FAM178B: variants seen among roughly 807,000 people sequenced by gnomAD.
The protein encoded by FAM178B is family with sequence similarity 178 member B.
FAM178B carries 82 observed loss-of-function variants against 91.7 expected under a neutral mutation model. The observed-to-expected ratio is 0.89, with a 90% confidence interval of 0.75 to 1.07. The LOEUF is 1.07. Ranked by LOEUF, FAM178B falls within the 50% of genes least tolerant of loss-of-function variation. FAM178B has a pLI of 0.00. For synonymous variants in FAM178B, 368 were observed against 359.4 expected (o/e 1.02, Z -0.27); for missense variants, 769 against 846.7 (o/e 0.91, Z 1.14).
At chr2:96,905,818 G>GTATATATA (rs1226987241) in intron 12 of FAM178B, among the ~76,000 whole-genome samples, 10 of 34,196 alleles carry the variant, frequency 2.9e-4, no homozygotes, top group East Asian at 1.0e-3. Context: ...ATATATGTGT[G>GTATATATA]TATATATATA....
chr2:96,913,946 C>CAGGA (rs1164701206), intron 12 of FAM178B, among the ~76,000 whole-genome samples: 1 of 152,238 alleles, frequency 6.6e-6, no homozygotes, highest in Non-Finnish European at 1.5e-5. Context: ...CTCCTCAACA[C>CAGGA]AGGAAGGAAG....
chr2:96,951,478 C>T lies in FAM178B; in HGVS notation c.894G>A (p.Pro298=), dbSNP rs773401746. The part of the protein sequence containing the change: ...SHLEGLFLSS[P]PAQQLSFLRS... ...GCAGGAAGGAGAGCTGTTGGGCTGGCGGGGAGCTGGGAGGCAGAGGGCTGA... is the reference window on the plus strand; with the variant it reads ...GCAGGAAGGAGAGCTGTTGGGCTGGTGGGGAGCTGGGAGGCAGAGGGCTGA... Residue 298 remains proline (P), a synonymous_variant, in exon 7 of 17, where the codon CCG becomes CCA. Transcript: ENST00000490605. The T allele has an allele frequency of 3.9e-6, 6 of 1,550,590 alleles. No individual in the cohort carries two copies. The highest frequency in any genetic ancestry group is 2.4e-5 in the East Asian group (1 of 40,854).
intron 13 of FAM178B, among the ~76,000 whole-genome samples, chr2:96,900,214 G>A (rs549172160): frequency 1.3e-5 from 2 of 152,174 alleles, no homozygotes; most frequent in East Asian, 3.9e-4. Context: ...CCCATCTTGT[G>A]CTCCCCCCTG....
At chr2:96,939,784 A>T (rs1435300917) in intron 8 of FAM178B, among the ~76,000 whole-genome samples, 1 of 152,130 alleles carries the variant, frequency 6.6e-6, no homozygotes, top group East Asian at 1.9e-4. Flanking sequence ...TACCTATAAC[A>T]TGGGACAATA....
chr2:96,904,289 A>G (rs1425269583), intron 12 of FAM178B, among the ~76,000 whole-genome samples: 3 of 152,194 alleles, frequency 2.0e-5, no homozygotes, highest in Non-Finnish European at 2.9e-5. Context: ...TGAATGAACC[A>G]CAAGTACCTC....
At chr2:96,955,624 G>C (rs57505323) in intron 6 of FAM178B, among the ~76,000 whole-genome samples, 3,866 of 152,296 alleles carry the variant, frequency 0.025, 148 homozygotes, top group African/African-American at 0.087. Context: ...AGGTTGCAGT[G>C]AGCTGAGATT....
At chr2:96,978,750 G>A (rs1395005623) in intron 1 of FAM178B, among the ~76,000 whole-genome samples, 3 of 150,936 alleles carry the variant, frequency 2.0e-5, no homozygotes, top group East Asian at 2.0e-4. Flanking sequence ...TCAGCCTCCC[G>A]AGTAGCTGGA....
chr2:96,938,270 G>A (rs1019200617), intron 8 of FAM178B, among the ~76,000 whole-genome samples: 1 of 152,086 alleles, frequency 6.6e-6, no homozygotes, highest in African/African-American at 2.4e-5. Context: ...CTGATGACAG[G>A]TACTGTCCTA....
chr2:96,881,546 C>CT (rs1160416023), intron 14 of FAM178B, among the ~76,000 whole-genome samples: 3 of 151,966 alleles, frequency 2.0e-5, no homozygotes, highest in Non-Finnish European at 4.4e-5. Context: ...GGGGGAGTCT[C>CT]TTTGTCTGGA....
chr2:96,902,821 AC>A, intron 12 of FAM178B, 114 bp from the exon 13 acceptor site: 1 of 706,894 alleles, frequency 1.4e-6, no homozygotes, highest in Non-Finnish European at 2.6e-6. Flanking sequence ...CATCTGGGGT[AC>A]CCCAGCAAAG....
At chr2:96,975,045 C>T (rs994659537) in intron 1 of FAM178B, among the ~76,000 whole-genome samples, 3 of 132,760 alleles carry the variant, frequency 2.3e-5, no homozygotes, top group Admixed American at 8.9e-5. Flanking sequence ...AAGCCTAGAT[C>T]GTGCCACTGC....
chr2:96,923,629 C>G, intron 9 of FAM178B, 46 bp from the exon 10 acceptor site: 2 of 1,469,768 alleles, frequency 1.4e-6, no homozygotes, highest in Non-Finnish European at 1.9e-6. Context: ...CAGGAGGGGG[C>G]ACAGGGGCAG....
intron 3 of FAM178B, 124 bp from the exon 4 acceptor site, chr2:96,970,901 T>C: frequency 4.0e-6 from 3 of 756,980 alleles, no homozygotes; most frequent in Admixed American, 2.5e-5. Context: ...ATACTATGTT[T>C]ACAGGATTAA....
At position 96,878,013 on chromosome 2, in the gene FAM178B, C is replaced by A; in HGVS notation, c.1884G>T (p.Leu628Phe). 2.5e-6 allele frequency: 4 copies of A among 1,611,894 alleles called. No homozygotes were observed. The highest frequency in any genetic ancestry group is 3.4e-6 in the Non-Finnish European group (4 of 1,180,026). ...WGELQLLCMQ[L>F]DRHISTQIRE... ...GGATCTGCGTGCTGATGTGGCGGTC[C>A]AACTGCATGCACAGCAGCTGCAGCT... Residue 628 changes from leucine to phenylalanine, a missense_variant, in exon 16 of 17, where the codon TTG (leucine) becomes TTT (phenylalanine). Coordinates refer to ENST00000490605, the MANE Select transcript of FAM178B (RefSeq NM_001122646.3).
chr2:96,949,691 G>C (rs1012181511), intron 7 of FAM178B, among the ~76,000 whole-genome samples: 3 of 152,212 alleles, frequency 2.0e-5, no homozygotes, highest in Non-Finnish European at 2.9e-5. Context: ...CAAAGCCAGT[G>C]CACCCCTTTC....
At chr2:96,985,509 G>GT (rs373072333) in intron 1 of FAM178B, among the ~76,000 whole-genome samples, 2 of 152,134 alleles carry the variant, frequency 1.3e-5, no homozygotes, top group Non-Finnish European at 2.9e-5. Context: ...TGTCATCTCA[G>GT]TTTTTTTGTT....
At chr2:96,970,185 G>A (rs1053122797) in intron 4 of FAM178B, among the ~76,000 whole-genome samples, 2 of 152,120 alleles carry the variant, frequency 1.3e-5, no homozygotes, top group African/African-American at 4.8e-5. Flanking sequence ...TCAGCGGTCC[G>A]TGGAAACTAC....
At chr2:96,921,069 A>G in intron 12 of FAM178B, 96 bp downstream of exon 12, 4 of 932,112 alleles carry the variant, frequency 4.3e-6, no homozygotes, top group Non-Finnish European at 5.1e-6. Flanking sequence ...TGGGCAGGGG[A>G]GGTTTGTTGG....
chr2:96,894,112 C>T (rs1484242705), intron 13 of FAM178B, 61 bp from the exon 14 acceptor site: 20 of 1,544,812 alleles, frequency 1.3e-5, no homozygotes, highest in Non-Finnish European at 2.6e-6. Context: ...TCAGGGTGCT[C>T]CCGGGAATCG....
Sources: allele counts gnomAD v4.1 joint callset (sites outside exome capture counted in the v4.1 genomes callset), GRCh38; gene constraint gnomAD v4.1.1; transcripts MANE v1.5; gene names NCBI Gene and HGNC (gene_info 2026-07-23, HGNC 2026-07-21).